EHBP1L1: variants seen among roughly 807,000 people sequenced by gnomAD.
The protein encoded by EHBP1L1 is EH domain binding protein 1 like 1, also known as EH domain-binding protein 1-like protein 1.
In EHBP1L1, 122 loss-of-function variants were observed where a neutral mutation model predicts 151.1. The ratio of observed to expected loss-of-function variants is 0.81; its 90% CI spans 0.70 to 0.94. EHBP1L1 has a LOEUF of 0.94. Among genes scored for constraint, EHBP1L1 ranks in the 40% least tolerant of loss-of-function variants. The pLI is 0.00. For synonymous variants in EHBP1L1, 878 were observed against 810.1 expected, an observed-to-expected ratio of 1.08 and a Z score of -1.42; for missense variants, 1,941 against 1,959.8, an observed-to-expected ratio of 0.99 and a Z score of 0.18.
chr11:65,591,789 C>CCCCCCAACA lies in EHBP1L1; in HGVS notation c.4284-10_4284-9insCCCCAACAC. 6.5e-7 allele frequency: 1 copy of CCCCCCAACA among 1,540,432 alleles called. No individual in the cohort carries two copies. The highest frequency in any genetic ancestry group is 8.8e-7 in the Non-Finnish European group (1 of 1,140,902). ...CCACCCCCCCGCCACCCACCCCCCG[C>CCCCCCAACA]CACCTTCCAGCATGGAGGAGCAGGA... On this transcript the variant is annotated splice_polypyrimidine_tract_variant and intron_variant, in intron 16 of 18. Transcript: ENST00000309295.
chr11:65,579,710 C>T (rs1857501205), intron 3 of EHBP1L1, among the ~76,000 whole-genome samples: 1 of 151,896 alleles, frequency 6.6e-6, no homozygotes, highest in South Asian at 2.1e-4. Context: ...ACCTGTAATC[C>T]CAGCTACTTG....
intron 1 of EHBP1L1, among the ~76,000 whole-genome samples, chr11:65,577,265 C>A (rs1415358420): frequency 6.6e-6 from 1 of 151,214 alleles, no homozygotes; most frequent in Non-Finnish European, 1.5e-5. Flanking sequence ...TTTAGGCTCC[C>A]CAGGGGAAGG....
chr11:65,592,117 G>A (rs911944478), intron 18 of EHBP1L1, 27 bp downstream of exon 18: 1 of 1,611,366 alleles, frequency 6.2e-7, no homozygotes, highest in African/African-American at 1.3e-5. Flanking sequence ...GGCGCTGGGA[G>A]TTGGGAGGGT....
rs761416305 is a variant in EHBP1L1, at chr11:65,584,380, G to A, written c.3233G>A (p.Arg1078Gln). 1.4e-5 allele frequency: 23 copies of A among 1,612,208 alleles called. No individual in the cohort carries two copies. The highest frequency in any genetic ancestry group is 1.1e-4 in the South Asian group (10 of 91,058). Residue 1078 changes from arginine (R) to glutamine (Q), a missense_variant, in exon 10 of 19, where the codon CGA (arginine) becomes CAA (glutamine). Arg to Gln is a conservative substitution (Grantham distance 43). Coordinates refer to ENST00000309295, the MANE Select transcript of EHBP1L1 (RefSeq NM_001099409.3). ...TTGGCCTTCTGTGCCATCCTGCACC[G>A]ATTCTACCCAGACAAGATGTGAGCT... ...NGLAFCAILH[R>Q]FYPDKIDYAS... is the part of the protein sequence containing the mutation.
chr11:65,589,857 TG>T, intron 13 of EHBP1L1, 37 bp downstream of exon 13: 1 of 1,548,870 alleles, frequency 6.5e-7, no homozygotes, highest in Non-Finnish European at 8.7e-7. Context: ...CAGTTCAGGC[TG>T]CTCACAAAGC....
chr11:65,584,444 G>C (rs1330260296), intron 10 of EHBP1L1, 42 bp from the exon 11 acceptor site: 1 of 1,613,470 alleles, frequency 6.2e-7, no homozygotes, highest in African/African-American at 1.3e-5. Context: ...CCATCAGGGA[G>C]GGCAGTGTGG....
chr11:65,582,769 G>A lies in EHBP1L1; in HGVS notation c.2097G>A (p.Leu699=). 2.5e-6 allele frequency: 4 copies of A among 1,613,644 alleles called. No individual in the cohort carries two copies. The highest frequency in any genetic ancestry group is 3.4e-6 in the Non-Finnish European group (4 of 1,179,848). ...KIEDTIQSEM[L]GTQETEVEAS... ...AAGATACAATACAGTCTGAGATGCTGGGGACCCAGGAGACAGAGGTGGAAG... is the reference window on the plus strand; with the variant it reads ...AAGATACAATACAGTCTGAGATGCTAGGGACCCAGGAGACAGAGGTGGAAG... The change falls in exon 9 of 19, where the codon CTG becomes CTA. Residue 699 remains leucine, a synonymous_variant. Transcript: ENST00000309295.
In EHBP1L1 at chr11:65,583,467, TG is replaced by T. The variant is rs767739240; in HGVS notation, c.2796del (p.Arg933GlufsTer27). On this transcript the variant is annotated frameshift_variant, in exon 9 of 19. Transcript: ENST00000309295. LOFTEE classifies it high-confidence loss of function. ...GTACAAGGGTCAGAGACTCAAGTTC[TG>T]AGAGTCCAGGAGGCAGAGGCTGGGG... ...SGVQGSETQV[L>X]RVQEAEAGVW... The T allele has an allele frequency of 1.1e-5, 18 of 1,613,368 alleles. No individual in the cohort carries two copies. The highest frequency in any genetic ancestry group is 1.5e-5 in the Non-Finnish European group (18 of 1,179,720).
At chr11:65,587,366 C>A (rs909020521) in intron 12 of EHBP1L1, among the ~76,000 whole-genome samples, 4 of 147,638 alleles carry the variant, frequency 2.7e-5, no homozygotes, top group African/African-American at 1.0e-4. Context: ...AGCAAGACTC[C>A]GTCTCAAAAA....
At chr11:65,590,632 T>C in intron 16 of EHBP1L1, 40 bp downstream of exon 16, 1 of 1,571,094 alleles carries the variant, frequency 6.4e-7, no homozygotes, top group South Asian at 1.1e-5. Flanking sequence ...GAGGGACTCT[T>C]AGCTACTTTG....
chr11:65,582,117 C>G lies in EHBP1L1; in HGVS notation c.1445C>G (p.Pro482Arg). ...DEAPSGLSLPPAEPAGHSGQL... is the reference protein window; with the variant it reads ...DEAPSGLSLPRAEPAGHSGQL... ...GCTCCCTCAGGCCTGAGCCTGCCCC[C>G]AGCGGAGCCTGCAGGGCACTCTGGG... Residue 482 changes from proline (P) to arginine (R), a missense_variant, in exon 9 of 19, where the codon CCA (proline) becomes CGA (arginine). Physicochemically the swap from Pro to Arg is moderately radical, Grantham distance 103 (BLOSUM62 -2). Coordinates refer to ENST00000309295, the MANE Select transcript of EHBP1L1 (RefSeq NM_001099409.3). 1 of 1,599,608 alleles carries G rather than the reference C, an allele frequency of 6.3e-7. No individual in the cohort carries two copies. The highest frequency in any genetic ancestry group is 8.5e-7 in the Non-Finnish European group (1 of 1,173,028).
intron 1 of EHBP1L1, 135 bp from the exon 2 acceptor site, chr11:65,578,943 C>G (rs1857449955): frequency 2.3e-6 from 2 of 869,504 alleles, no homozygotes; most frequent in East Asian, 5.3e-5. Flanking sequence ...TGCCCAGGCC[C>G]TCTTCTGGAG....
At position 65,592,309 on chromosome 11, in the gene EHBP1L1, C is replaced by T. The variant is rs997004361; in HGVS notation, c.*7C>T. On this transcript the variant is annotated 3_prime_UTR_variant, in exon 19 of 19. Coordinates refer to ENST00000309295, the MANE Select transcript of EHBP1L1 (RefSeq NM_001099409.3). ...GCGCTGCGTGCTGAGCTGAGGCCGC[C>T]GGCCCGGGTGGCCCATAACTTCTCG... is the stretch of plus-strand genomic sequence containing the variant. The T allele has an allele frequency of 3.9e-5, 57 of 1,467,592 alleles. No individual in the cohort carries two copies. The African/African-American group carries it at 6.0e-4, about 16-fold the overall frequency. 90.9% of individuals were successfully genotyped at this position (1,467,592 alleles called of 1,614,324 possible).
At position 65,580,334 on chromosome 11, in the gene EHBP1L1, C is replaced by G; in HGVS notation, c.492-3C>G. On this transcript the variant is annotated splice_polypyrimidine_tract_variant and splice_region_variant and intron_variant, in intron 5 of 18. Coordinates refer to ENST00000309295, the MANE Select transcript of EHBP1L1 (RefSeq NM_001099409.3). ...ACCCTCACCTTTAACCTCTGCCTCC[C>G]AGGGACGATGACATGCAGAGTCTCG... The G allele has an allele frequency of 6.2e-7, 1 of 1,613,738 alleles. No individual in the cohort carries two copies. Among genetic ancestry groups the G allele is most frequent in the Non-Finnish European group, 8.5e-7 (1 of 1,179,816 alleles).
chr11:65,581,995 G>A lies in EHBP1L1; in HGVS notation c.1323G>A (p.Glu441=), dbSNP rs190443164. ...GACATGTGGACACTAAGGGACCAGAGGCGACAGGGGTGATGCCTGAGGCAA... is the reference window on the plus strand; with the variant it reads ...GACATGTGGACACTAAGGGACCAGAAGCGACAGGGGTGATGCCTGAGGCAA... ...KVRHVDTKGP[E]ATGVMPEARC... The change falls in exon 9 of 19, where the codon GAG becomes GAA. Residue 441 remains glutamate (E), a synonymous_variant. Transcript: ENST00000309295. 5 of 1,613,804 alleles carry A rather than the reference G, an allele frequency of 3.1e-6. No individual in the cohort carries two copies. The highest frequency in any genetic ancestry group is 3.3e-4 in the Middle Eastern group (2 of 6,062).
intron 16 of EHBP1L1, among the ~76,000 whole-genome samples, chr11:65,591,024 C>G (rs894510779): frequency 2.0e-5 from 3 of 151,804 alleles, no homozygotes; most frequent in Admixed American, 2.0e-4. Flanking sequence ...GAGTGAGACT[C>G]TGTCTCAAAA....
chr11:65,578,308 G>A (rs1857422834), intron 1 of EHBP1L1: 1 of 152,544 alleles, frequency 6.6e-6, no homozygotes, highest in South Asian at 2.0e-4. Context: ...GTTGGTTAAT[G>A]ACAGGCTGAC....
At position 65,576,344 on chromosome 11, in the gene EHBP1L1, G is replaced by C. The variant is rs1857322770; in HGVS notation, c.42G>C (p.Arg14=). 6.3e-7 allele frequency: 1 copy of C among 1,599,816 alleles called. No individual in the cohort carries two copies. Among genetic ancestry groups the C allele is most frequent in the Non-Finnish European group, 8.5e-7 (1 of 1,173,808 alleles). Reference sequence around the variant, plus strand: ...AGCGCCTGCAGCGCGTGGGCAAGCGGGCGGCCAAGTTCCAGTTCGTGGCCT... The same window carrying C: ...AGCGCCTGCAGCGCGTGGGCAAGCGCGCGGCCAAGTTCCAGTTCGTGGCCT... ...VWKRLQRVGK[R]AAKFQFVACY... The change falls in exon 1 of 19, where the codon CGG becomes CGC. Residue 14 remains arginine, a synonymous_variant. Transcript: ENST00000309295.
At position 65,582,210 on chromosome 11, in the gene EHBP1L1, G is replaced by GT. The variant is rs1266969108; in HGVS notation, c.1539dup (p.Gly514TrpfsTer6). On this transcript the variant is annotated frameshift_variant, in exon 9 of 19. Transcript: ENST00000309295. LOFTEE classifies it high-confidence loss of function. ...GAGAGAGAGGGTGCAGAAGTGAGGG[G>GT]TGGAGCACCTGGTATTGAGGGGACA... 2 of 1,535,210 alleles carry GT rather than the reference G, an allele frequency of 1.3e-6. No individual in the cohort carries two copies. The highest frequency in any genetic ancestry group is 1.7e-6 in the Non-Finnish European group (2 of 1,145,088).
Sources: allele counts gnomAD v4.1 joint callset (sites outside exome capture counted in the v4.1 genomes callset), GRCh38; gene constraint gnomAD v4.1.1; transcripts MANE v1.5; gene names NCBI Gene and HGNC (gene_info 2026-07-23, HGNC 2026-07-21).